TRIQK: variants seen among roughly 807,000 people sequenced by gnomAD.
The protein encoded by TRIQK is triple QxxK/R motif-containing protein.
A neutral mutation model predicts 10.8 loss-of-function variants in TRIQK; 10 were observed. That is an observed-to-expected ratio of 0.92 (90% CI 0.57 to 1.57). The LOEUF (loss-of-function observed/expected upper bound fraction) is 1.57, where lower values mean the gene tolerates loss of function less well. TRIQK is among the 40% of genes most tolerant of loss of function. TRIQK has a pLI of 0.00. For missense variants in TRIQK, 107 were observed against 97.7 expected, an observed-to-expected ratio of 1.09 and a Z score of -0.40; for synonymous variants, 33 against 33.7, an observed-to-expected ratio of 0.98 and a Z score of 0.07.
At chr8:92,991,998 T>C (rs1306773918) in intron 1 of TRIQK, among the ~76,000 whole-genome samples, 1 of 151,868 alleles carries the variant, frequency 6.6e-6, no homozygotes, top group Non-Finnish European at 1.5e-5. Flanking sequence ...CTCAACGAAA[T>C]AAAAGAGGAC....
At chr8:92,956,873 C>A (rs146873380) in intron 1 of TRIQK, among the ~76,000 whole-genome samples, 1 of 151,704 alleles carries the variant, frequency 6.6e-6, no homozygotes, top group Non-Finnish European at 1.5e-5. Flanking sequence ...TTGTTGGGAG[C>A]CTTATTAATG....
intron 1 of TRIQK, among the ~76,000 whole-genome samples, chr8:92,988,052 G>A (rs1236622593): frequency 8.2e-6 from 1 of 122,566 alleles, no homozygotes; most frequent in Admixed American, 1.1e-4. Context: ...TGTCGCCCAG[G>A]CTGGAGTGCA....
chr8:93,004,506 T>C (rs1669746969), intron 1 of TRIQK, among the ~76,000 whole-genome samples: 1 of 152,258 alleles, frequency 6.6e-6, no homozygotes, highest in Non-Finnish European at 1.5e-5. Flanking sequence ...TCCATTGTCT[T>C]GGCTATTAAC....
chr8:92,995,305 T>G (rs2130752753), intron 1 of TRIQK, among the ~76,000 whole-genome samples: 1 of 152,200 alleles, frequency 6.6e-6, no homozygotes, highest in South Asian at 2.1e-4. Flanking sequence ...TCTTTATCCT[T>G]TAGTTTTTAA....
chr8:92,910,189 T>C (rs1162069769), intron 3 of TRIQK, among the ~76,000 whole-genome samples: 1 of 151,418 alleles, frequency 6.6e-6, no homozygotes, highest in African/African-American at 2.4e-5. Context: ...ACTATTTAAA[T>C]TCTAGTAAGT....
At chr8:92,931,301 C>G (rs908069808) in intron 2 of TRIQK, among the ~76,000 whole-genome samples, 4 of 152,022 alleles carry the variant, frequency 2.6e-5, no homozygotes. Context: ...TACATTGAAA[C>G]AAAACGTGAA....
At chr8:92,940,504 A>C (rs753227058) in intron 2 of TRIQK, among the ~76,000 whole-genome samples, 1 of 152,198 alleles carries the variant, frequency 6.6e-6, no homozygotes, top group Non-Finnish European at 1.5e-5. Flanking sequence ...ATAGACTTTA[A>C]ATTTTAAAAC....
At chr8:92,953,780 T>C (rs984407172) in intron 2 of TRIQK, 1 of 151,922 alleles carries the variant, frequency 6.6e-6, no homozygotes, top group Admixed American at 6.6e-5. Flanking sequence ...TTTATTTAGA[T>C]TTGATGTTGA....
In TRIQK at chr8:92,947,587, GAAAAAAA is replaced by G. The variant is rs35808197; in HGVS notation, c.-22+6812_-22+6818del. ...CAATAAGAGTGAAACTCCGCCTCAG[GAAAAAAA>G]AAAAAAAAAAAAAAAAAGCCTTCAT... On this transcript the variant is annotated intron_variant, in intron 2 of 4. Coordinates refer to ENST00000521988, the MANE Select transcript of TRIQK (RefSeq NM_001171797.2). Among the ~76,000 whole-genome samples, 12 of 61,428 alleles carry G rather than the reference GAAAAAAA, an allele frequency of 2.0e-4. No individual in the cohort carries two copies. In the South Asian group the frequency reaches 7.8e-3, roughly 40 times the overall value. 40.3% of individuals were successfully genotyped at this position (61,428 alleles called of 152,430 possible). A position where few individuals can be genotyped will look rare whatever the true frequency, so the allele number is the denominator to read the frequency against.
At chr8:92,995,929 T>C (rs16915427) in intron 1 of TRIQK, among the ~76,000 whole-genome samples, 4,814 of 152,130 alleles carry the variant, frequency 0.032, 120 homozygotes, top group South Asian at 0.049. Context: ...GTGACGGGAA[T>C]TCTAAGAATA....
chr8:93,006,500 A>G (rs553184351), intron 1 of TRIQK, among the ~76,000 whole-genome samples: 1 of 152,304 alleles, frequency 6.6e-6, no homozygotes, highest in Non-Finnish European at 1.5e-5. Context: ...CCAAGTACAG[A>G]ACTGTGCAGA....
chr8:92,918,772 CT>C (rs1175045954), intron 2 of TRIQK, among the ~76,000 whole-genome samples: 1 of 145,892 alleles, frequency 6.9e-6, no homozygotes, highest in Non-Finnish European at 1.5e-5. Flanking sequence ...CTTTTGAGAT[CT>C]TACCCCCCCC....
At chr8:92,928,828 T>C (rs1214347551) in intron 2 of TRIQK, among the ~76,000 whole-genome samples, 5 of 152,014 alleles carry the variant, frequency 3.3e-5, no homozygotes, top group Non-Finnish European at 2.9e-5. Flanking sequence ...CTGAATTCAG[T>C]AGGAAAACAT....
chr8:92,958,977 T>C (rs916767809), intron 1 of TRIQK, among the ~76,000 whole-genome samples: 2 of 152,126 alleles, frequency 1.3e-5, no homozygotes, highest in Non-Finnish European at 2.9e-5. Flanking sequence ...ATGAGTGTGA[T>C]TGTTTTCTAA....
intron 1 of TRIQK, among the ~76,000 whole-genome samples, chr8:93,001,483 C>T (rs1586527954): frequency 6.6e-6 from 1 of 151,850 alleles, no homozygotes; most frequent in Admixed American, 6.6e-5. Flanking sequence ...ACAAAAGTAG[C>T]TAAATTTATA....
intron 1 of TRIQK, among the ~76,000 whole-genome samples, chr8:93,004,385 A>G (rs1044674215): frequency 6.6e-6 from 1 of 152,192 alleles, no homozygotes; most frequent in Admixed American, 6.5e-5. Context: ...GGGACACATC[A>G]GAGCACAGCC....
chr8:92,901,501 G>T (rs1201378234), intron 3 of TRIQK, among the ~76,000 whole-genome samples: 1 of 152,152 alleles, frequency 6.6e-6, no homozygotes, highest in African/African-American at 2.4e-5. Context: ...TAATTGAAAT[G>T]ATCATAGGGT....
At chr8:92,944,184 A>G (rs1304120131) in intron 2 of TRIQK, among the ~76,000 whole-genome samples, 1 of 152,148 alleles carries the variant, frequency 6.6e-6, no homozygotes, top group Non-Finnish European at 1.5e-5. Context: ...AATGGCAATT[A>G]TCAAAAAGAT....
chr8:92,926,435 G>A (rs1810452228), intron 2 of TRIQK: 1 of 152,260 alleles, frequency 6.6e-6, no homozygotes, highest in East Asian at 1.9e-4. Context: ...GAAGGAGACA[G>A]ATAGCATAGT....
Sources: gnomAD v4.1 joint callset for allele counts (sites outside exome capture counted in the v4.1 genomes callset) on GRCh38, gnomAD v4.1.1 for gene constraint, MANE v1.5 for transcripts, NCBI Gene and HGNC (gene_info 2026-07-23, HGNC 2026-07-21) for gene names.